Variants in ADARB2 observed in about 807,000 individuals in gnomAD.
ADARB2 encodes adenosine deaminase RNA specific B2 (inactive).
ADARB2 carries 25 observed loss-of-function variants against 62.2 expected under a neutral mutation model. The observed-to-expected ratio is 0.40, with a 90% confidence interval of 0.29 to 0.56. The LOEUF is 0.56. Ranked by LOEUF, ADARB2 falls within the 20% of genes least tolerant of loss-of-function variation. The probability of loss-of-function intolerance (pLI) is 0.43; values close to 1 mark genes in which losing one functional copy is unlikely to be tolerated. For missense variants in ADARB2, 1,071 were observed against 1,077.4 expected, an observed-to-expected ratio of 0.99 and a Z score of 0.08; for synonymous variants, 572 against 500.8, an observed-to-expected ratio of 1.14 and a Z score of -1.90.
At chr10:1,532,718 G>T (rs1370116594) in intron 1 of ADARB2, among the ~76,000 whole-genome samples, 2 of 152,302 alleles carry the variant, frequency 1.3e-5, no homozygotes, top group East Asian at 3.9e-4. Flanking sequence ...TCTTTAGGGG[G>T]ATGTGACCGC....
chr10:1,637,798 G>A (rs1017513074), intron 1 of ADARB2, among the ~76,000 whole-genome samples: 1 of 152,184 alleles, frequency 6.6e-6, no homozygotes, highest in Non-Finnish European at 1.5e-5. Flanking sequence ...CTGTTTATGA[G>A]CAAAGCAAAC....
chr10:1,532,280 C>T (rs1459962844), intron 1 of ADARB2, among the ~76,000 whole-genome samples: 3 of 152,180 alleles, frequency 2.0e-5, no homozygotes, highest in Non-Finnish European at 4.4e-5. Context: ...TCTCTAATTC[C>T]CACACTGATT....
At chr10:1,621,723 T>C (rs1047394654) in intron 1 of ADARB2, among the ~76,000 whole-genome samples, 2 of 152,262 alleles carry the variant, frequency 1.3e-5, no homozygotes, top group African/African-American at 2.4e-5. Flanking sequence ...CCTAAGTAAA[T>C]AGGGAGAAAT....
intron 3 of ADARB2, among the ~76,000 whole-genome samples, chr10:1,283,279 G>C (rs1161158148): frequency 6.6e-6 from 1 of 152,216 alleles, no homozygotes; most frequent in East Asian, 1.9e-4. Context: ...TTGGTTAATA[G>C]GAGTTCTAGC....
intron 1 of ADARB2, among the ~76,000 whole-genome samples, chr10:1,590,860 C>T (rs977169723): frequency 4.6e-5 from 7 of 152,128 alleles, no homozygotes; most frequent in East Asian, 1.9e-4. Context: ...AACCGTGCGT[C>T]GTCTGCTGCA....
intron 1 of ADARB2, among the ~76,000 whole-genome samples, chr10:1,566,063 CAAAAA>C (rs376967105): frequency 7.8e-6 from 1 of 128,042 alleles, no homozygotes; most frequent in African/African-American, 3.0e-5. Flanking sequence ...CTCAGTCTAG[CAAAAA>C]AAAAAAAAAA....
intron 1 of ADARB2, among the ~76,000 whole-genome samples, chr10:1,735,427 A>C (rs2119053150): frequency 6.6e-6 from 1 of 152,344 alleles, no homozygotes; most frequent in South Asian, 2.1e-4. Context: ...ATATTTATAA[A>C]ATGCATTATT....
intron 1 of ADARB2, among the ~76,000 whole-genome samples, chr10:1,707,864 G>A (rs977448017): frequency 1.3e-5 from 2 of 152,282 alleles, no homozygotes; most frequent in African/African-American, 4.8e-5. Context: ...GGACCAGCCC[G>A]GTCCACACAC....
chr10:1,705,366 C>T (rs555707991), intron 1 of ADARB2, among the ~76,000 whole-genome samples: 16 of 152,050 alleles, frequency 1.1e-4, no homozygotes, highest in African/African-American at 3.4e-4. Context: ...AGGCAGCTGA[C>T]GTGGATGGCA....
chr10:1,544,654 G>A (rs183989978), intron 1 of ADARB2, among the ~76,000 whole-genome samples: 11 of 152,212 alleles, frequency 7.2e-5, no homozygotes, highest in Admixed American at 4.6e-4. Flanking sequence ...CTGCTCTTAC[G>A]TCTAGGAGGC....
Position 1,411,206 on chromosome 10 carries a change from G to A in ADARB2, c.101-32046C>T, listed in dbSNP as rs150226482. On this transcript the variant is annotated intron_variant, in intron 1 of 9. Transcript: ENST00000381312. ...TCCGTGGGCCTAGAGAATCTCAGGG[G>A]CCTGGTTCAGGCCTTCTGCACCTGT... Among the ~76,000 whole-genome samples, 18 of 152,330 alleles carry A rather than the reference G, an allele frequency of 1.2e-4. No homozygotes were observed. The East Asian group carries it at 3.5e-3, about 29-fold the overall frequency.
chr10:1,449,947 G>T (rs1435770441), intron 1 of ADARB2, among the ~76,000 whole-genome samples: 1 of 152,254 alleles, frequency 6.6e-6, no homozygotes, highest in Non-Finnish European at 1.5e-5. Context: ...CCTGCACAGT[G>T]CCTGTGCATG....
At chr10:1,665,677 C>T (rs529117320) in intron 1 of ADARB2, among the ~76,000 whole-genome samples, 31 of 152,362 alleles carry the variant, frequency 2.0e-4, no homozygotes, top group African/African-American at 7.0e-4. Flanking sequence ...TCCAACTCCT[C>T]GGTCCTGAGG....
chr10:1,276,405 T>C lies in ADARB2; in HGVS notation c.1078-5336A>G, dbSNP rs548955789. Among the ~76,000 whole-genome samples the C allele has an allele frequency of 3.9e-4, 59 of 152,318 alleles. 1 individual carries two copies. The highest frequency in any genetic ancestry group is 1.4e-3 in the African/African-American group (58 of 41,562). On this transcript the variant is annotated intron_variant, in intron 3 of 9. Coordinates refer to ENST00000381312, the MANE Select transcript of ADARB2 (RefSeq NM_018702.4). ...TTGAGTTCATTGTAGATTCTGGATA[T>C]TAGTCCTTTGTCAGATGAGTAGATT...
intron 7 of ADARB2, among the ~76,000 whole-genome samples, chr10:1,208,255 T>G (rs1331133620): frequency 6.6e-6 from 1 of 152,242 alleles, no homozygotes; most frequent in Non-Finnish European, 1.5e-5. Context: ...CTCCTAGGGC[T>G]GCTGTGGGAC....
At chr10:1,522,569 T>C (rs1326641319) in intron 1 of ADARB2, among the ~76,000 whole-genome samples, 1 of 152,156 alleles carries the variant, frequency 6.6e-6, no homozygotes, top group African/African-American at 2.4e-5. Context: ...GTCTCCACTT[T>C]TGCATGTTCC....
intron 4 of ADARB2, among the ~76,000 whole-genome samples, chr10:1,245,081 CAGG>C (rs1830971108): frequency 6.6e-6 from 1 of 151,978 alleles, no homozygotes; most frequent in South Asian, 2.1e-4. Flanking sequence ...CTGGGTTGCA[CAGG>C]AGGAGAGAAG....
chr10:1,247,195 G>T (rs1339220938), intron 4 of ADARB2, among the ~76,000 whole-genome samples: 1 of 152,230 alleles, frequency 6.6e-6, no homozygotes, highest in Non-Finnish European at 1.5e-5. Flanking sequence ...CTGAGACTTT[G>T]CTGAAGTTGC....
chr10:1,684,422 C>T (rs117473614), intron 1 of ADARB2, among the ~76,000 whole-genome samples: 96 of 152,218 alleles, frequency 6.3e-4, no homozygotes, highest in Middle Eastern at 3.4e-3. Context: ...AAATGTATTT[C>T]TGTATGCACA....
Sources: allele counts gnomAD v4.1 joint callset (sites outside exome capture counted in the v4.1 genomes callset), GRCh38; gene constraint gnomAD v4.1.1; transcripts MANE v1.5; gene names NCBI Gene and HGNC (gene_info 2026-07-23, HGNC 2026-07-21).